NRP1: variants seen among roughly 807,000 people sequenced by gnomAD.
The protein encoded by NRP1 is neuropilin 1, also known as neuropilin-1.
Under a neutral mutation model 106.7 loss-of-function variants are expected in NRP1, and 35 were observed. The ratio of observed to expected loss-of-function variants is 0.33; its 90% CI spans 0.25 to 0.43. The LOEUF is 0.43. Among genes scored for constraint, NRP1 ranks in the 20% least tolerant of loss-of-function variants. The pLI, the probability that NRP1 is intolerant of heterozygous loss-of-function variation, is 1.00. For missense variants in NRP1, 1,024 were observed against 1,170.4 expected, an observed-to-expected ratio of 0.87 and a Z score of 1.83; for synonymous variants, 437 against 417.9, an observed-to-expected ratio of 1.05 and a Z score of -0.56.
chr10:33,219,244 G>A (rs1161401153), intron 8 of NRP1, among the ~76,000 whole-genome samples: 1 of 152,124 alleles, frequency 6.6e-6, no homozygotes, highest in African/African-American at 2.4e-5. Context: ...GTTGCATTAA[G>A]GTGATCCTCA....
At chr10:33,184,096 C>A (rs1220244029) in intron 15 of NRP1, among the ~76,000 whole-genome samples, 1 of 152,152 alleles carries the variant, frequency 6.6e-6, no homozygotes, top group Non-Finnish European at 1.5e-5. Context: ...ACTGCAACTT[C>A]CGCCTCCTGG....
intron 6 of NRP1, among the ~76,000 whole-genome samples, chr10:33,226,961 C>T (rs574353263): frequency 6.6e-6 from 1 of 152,274 alleles, no homozygotes; most frequent in East Asian, 1.9e-4. Flanking sequence ...GTCCTCAGGA[C>T]CTCCTGAGGT....
At chr10:33,235,354 A>G (rs756300415) in intron 6 of NRP1, among the ~76,000 whole-genome samples, 15 of 152,212 alleles carry the variant, frequency 9.9e-5, no homozygotes, top group Non-Finnish European at 2.2e-4. Context: ...ATAAAGATCA[A>G]ATGTGAAGGT....
At chr10:33,328,349 G>T (rs1250550472) in intron 2 of NRP1, among the ~76,000 whole-genome samples, 2 of 152,042 alleles carry the variant, frequency 1.3e-5, no homozygotes, top group African/African-American at 2.4e-5. Flanking sequence ...AGTATACGCT[G>T]ATTATTTGGA....
chr10:33,189,830 C>T lies in NRP1; in HGVS notation c.2062+2451G>A, dbSNP rs141921065. Reference sequence around the variant, plus strand: ...GCACCATCTACTCTCTAATGTCAGTCTATGCGCGGGAGCTTCGTGAAGGGC... The same window carrying T: ...GCACCATCTACTCTCTAATGTCAGTTTATGCGCGGGAGCTTCGTGAAGGGC... On this transcript the variant is annotated intron_variant, in intron 13 of 16. Transcript: ENST00000374867. Among the ~76,000 whole-genome samples, 53 of 152,352 alleles carry T rather than the reference C, an allele frequency of 3.5e-4. No individual in the cohort carries two copies. In the East Asian group the frequency reaches 0.01, roughly 29 times the overall value.
intron 1 of NRP1, among the ~76,000 whole-genome samples, chr10:33,332,714 G>T (rs752206903): frequency 1.3e-5 from 2 of 152,182 alleles, no homozygotes; most frequent in Non-Finnish European, 2.9e-5. Context: ...GCAGACACTG[G>T]TTACTCAGAG....
intron 6 of NRP1, 128 bp downstream of exon 6, chr10:33,253,900 T>C (rs769583561): frequency 9.3e-6 from 7 of 753,676 alleles, no homozygotes; most frequent in Non-Finnish European, 1.5e-5. Context: ...CAGTGATTTA[T>C]ACCTGATGGC....
At chr10:33,197,976 T>A (rs1193604128) in intron 11 of NRP1, among the ~76,000 whole-genome samples, 1 of 151,736 alleles carries the variant, frequency 6.6e-6, no homozygotes, top group African/African-American at 2.4e-5. Flanking sequence ...GGAAGTTGTA[T>A]ATATTTATGG....
intron 7 of NRP1, among the ~76,000 whole-genome samples, chr10:33,224,137 G>T (rs1472834301): frequency 6.6e-6 from 1 of 152,168 alleles, no homozygotes. Flanking sequence ...TGGATGTTCT[G>T]GTTTCATTAG....
intron 6 of NRP1, among the ~76,000 whole-genome samples, chr10:33,252,778 T>A (rs10763919): frequency 0.35 from 52,492 of 152,074 alleles, 11,758 homozygotes; most frequent in African/African-American, 0.63. Flanking sequence ...AGAGATGGAT[T>A]CAGCAATCCC....
At chr10:33,260,280 G>C (rs377656404) in intron 4 of NRP1, among the ~76,000 whole-genome samples, 111 of 152,222 alleles carry the variant, frequency 7.3e-4, no homozygotes, top group African/African-American at 2.6e-3. Flanking sequence ...TTTTGGTGTA[G>C]AATATCTGGA....
chr10:33,252,567 C>G (rs1220313639), intron 6 of NRP1, among the ~76,000 whole-genome samples: 29 of 152,088 alleles, frequency 1.9e-4, no homozygotes, highest in Admixed American at 1.9e-3. Flanking sequence ...ACACCCCTAT[C>G]GCACGCCCTG....
At chr10:33,273,916 G>A (rs1429801558) in intron 2 of NRP1, among the ~76,000 whole-genome samples, 6 of 151,966 alleles carry the variant, frequency 3.9e-5, no homozygotes, top group Non-Finnish European at 5.9e-5. Flanking sequence ...TCCCATCTGG[G>A]GAAGGTCCCT....
chr10:33,237,163 CAAGT>C (rs1840625107), intron 6 of NRP1, among the ~76,000 whole-genome samples: 1 of 152,042 alleles, frequency 6.6e-6, no homozygotes, highest in Non-Finnish European at 1.5e-5. Flanking sequence ...TGAAGAATGC[CAAGT>C]ATCCAGATAA....
intron 2 of NRP1, among the ~76,000 whole-genome samples, chr10:33,325,248 G>T (rs1847805308): frequency 6.6e-6 from 1 of 152,118 alleles, no homozygotes; most frequent in Non-Finnish European, 1.5e-5. Context: ...AAAAAACTCA[G>T]TTTTCCATAA....
Position 33,274,615 on chromosome 10 carries a change from C to T in NRP1, c.249-3759G>A, listed in dbSNP as rs114417195. On this transcript the variant is annotated intron_variant, in intron 2 of 16. Coordinates refer to ENST00000374867, the MANE Select transcript of NRP1 (RefSeq NM_003873.7). ...TTTTCTCTGGTGAGTACAAGTGACC[C>T]CTGACTCTCTACAGTGGAGATGGTT... Among the ~76,000 whole-genome samples the T allele has an allele frequency of 6.7e-3, 1,025 of 152,144 alleles. 14 individuals carry two copies. The highest frequency in any genetic ancestry group is 0.024 in the African/African-American group (979 of 41,502).
intron 2 of NRP1, among the ~76,000 whole-genome samples, chr10:33,325,409 A>T (rs1847817854): frequency 1.3e-5 from 2 of 152,176 alleles, no homozygotes; most frequent in African/African-American, 4.8e-5. Context: ...AATCCTAAAA[A>T]ATCCATGCTA....
intron 6 of NRP1, among the ~76,000 whole-genome samples, chr10:33,245,164 A>T (rs1841322895): frequency 6.6e-6 from 1 of 152,244 alleles, no homozygotes; most frequent in South Asian, 2.1e-4. Context: ...AGCCAGCCAA[A>T]CAACAATGAA....
chr10:33,330,659 G>A, intron 2 of NRP1, 49 bp downstream of exon 2: 1 of 1,505,806 alleles, frequency 6.6e-7, no homozygotes, highest in Admixed American at 1.9e-5. Flanking sequence ...AGACAGGCGT[G>A]ACCACTAGAT....
Sources: gnomAD v4.1 joint callset for allele counts (sites outside exome capture counted in the v4.1 genomes callset) on GRCh38, gnomAD v4.1.1 for gene constraint, MANE v1.5 for transcripts, NCBI Gene and HGNC (gene_info 2026-07-23, HGNC 2026-07-21) for gene names.